Variants in DLG5 observed in about 807,000 individuals in gnomAD.
The protein encoded by DLG5 is discs large MAGUK scaffold protein 5, also known as disks large homolog 5.
DLG5 carries 48 observed loss-of-function variants against 189.8 expected under a neutral mutation model. That is an observed-to-expected ratio of 0.25 (90% confidence interval 0.20 to 0.32). DLG5 has a LOEUF of 0.32. Ranked by LOEUF, DLG5 falls within the 10% of genes least tolerant of loss-of-function variation. The pLI, the probability that DLG5 is intolerant of heterozygous loss-of-function variation, is 1.00. For missense variants in DLG5, 2,160 were observed against 2,544.7 expected (o/e 0.85, Z 3.25); for synonymous variants, 1,016 against 1,054.1 (o/e 0.96, Z 0.70).
rs564806996 is a variant in DLG5 at position 77,816,707 on chromosome 10, G to C, written c.3875-6C>G. 50 of 1,599,730 alleles carry C rather than the reference G, an allele frequency of 3.1e-5. No homozygotes were observed. Among genetic ancestry groups the C allele is most frequent in the Non-Finnish European group, 3.8e-5 (45 of 1,172,538 alleles). ...TTCAGAATGTGACACTGAACCTGCA[G>C]AGAGGAGCGGGTAATGCCGGTGTGA... On this transcript the variant is annotated splice_region_variant and splice_polypyrimidine_tract_variant and intron_variant, in intron 19 of 31. Transcript: ENST00000372391.
intron 20 of DLG5, 69 bp downstream of exon 20, chr10:77,816,482 C>T: frequency 6.2e-7 from 1 of 1,607,360 alleles, no homozygotes; most frequent in Non-Finnish European, 8.5e-7. Context: ...CCTGCAGAGC[C>T]CAGGCCCGCT....
chr10:77,911,835 G>A (rs1013420765), intron 1 of DLG5, among the ~76,000 whole-genome samples: 6 of 151,724 alleles, frequency 4.0e-5, no homozygotes, highest in Non-Finnish European at 7.4e-5. Context: ...GCTTGTTTAC[G>A]CATAAAAACG....
intron 1 of DLG5, among the ~76,000 whole-genome samples, chr10:77,921,713 C>A (rs1846539287): frequency 6.6e-6 from 1 of 152,226 alleles, no homozygotes. Context: ...ACACCAAGTC[C>A]CAGCACATTC....
Position 77,916,904 on chromosome 10 carries a change from A to AATATATATATATATATATATATAT in DLG5, c.304+9312_304+9313insATATATATATATATATATATATAT, listed in dbSNP as rs55841913. Among the ~76,000 whole-genome samples the AATATATATATATATATATATATAT allele has an allele frequency of 3.5e-3, 457 of 128,842 alleles. 7 individuals are homozygous for AATATATATATATATATATATATAT. Among genetic ancestry groups the AATATATATATATATATATATATAT allele is most frequent in the African/African-American group, 0.012 (392 of 32,046 alleles). The allele number at this position is 128,842 out of a possible 152,430, so 84.5% of individuals were successfully genotyped here. ...AGGTAAAGAAACAAATAAAATATAG[A>AATATATATATATATATATATATAT]ATATATATATATATATATATATGAA... On this transcript the variant is annotated intron_variant, in intron 1 of 31. Transcript: ENST00000372391.
chr10:77,848,370 A>G (rs903101822), intron 5 of DLG5, among the ~76,000 whole-genome samples: 6 of 152,230 alleles, frequency 3.9e-5, no homozygotes, highest in Non-Finnish European at 8.8e-5. Context: ...AAGAGAAAGT[A>G]TATTTTAAAG....
At chr10:77,797,211 C>A (rs1366443155) in intron 27 of DLG5, among the ~76,000 whole-genome samples, 2 of 152,206 alleles carry the variant, frequency 1.3e-5, no homozygotes, top group African/African-American at 2.4e-5. Context: ...TATGCTTAAG[C>A]CACTGTTATT....
At chr10:77,871,139 T>C (rs1157010782) in intron 1 of DLG5, among the ~76,000 whole-genome samples, 1 of 152,188 alleles carries the variant, frequency 6.6e-6, no homozygotes, top group Non-Finnish European at 1.5e-5. Context: ...GGTAGGTGTC[T>C]TGTCTCTCAA....
At chr10:77,916,181 C>T (rs991602380) in intron 1 of DLG5, among the ~76,000 whole-genome samples, 4 of 152,134 alleles carry the variant, frequency 2.6e-5, no homozygotes, top group Non-Finnish European at 4.4e-5. Context: ...GATCATGCCA[C>T]TGCACTCAGC....
rs539566389 is a variant in DLG5 at position 77,819,736 on chromosome 10, G to A, written c.3526+159C>T. 41 of 1,291,212 alleles carry A rather than the reference G, an allele frequency of 3.2e-5. No homozygotes were observed. In the African/African-American group the frequency reaches 6.1e-4, roughly 19 times the overall value. The allele number at this position is 1,291,212 out of a possible 1,614,324, so 80.0% of individuals were successfully genotyped here. ...AAGCTAAGACATGTCATGGCTATAAGACAAACCATCCCAGACAGGACAGCA... is the reference window on the plus strand; with the variant it reads ...AAGCTAAGACATGTCATGGCTATAAAACAAACCATCCCAGACAGGACAGCA... On this transcript the variant is annotated intron_variant, in intron 16 of 31. Transcript: ENST00000372391.
Position 77,796,687 on chromosome 10 carries a change from C to G in DLG5, c.5165-93G>C. 6.6e-7 allele frequency: 1 copy of G among 1,506,698 alleles called. No homozygotes were observed. The highest frequency in any genetic ancestry group is 1.9e-5 in the Admixed American group (1 of 53,064). 93.3% of individuals were successfully genotyped at this position (1,506,698 alleles called of 1,614,324 possible). On this transcript the variant is annotated intron_variant, in intron 27 of 31. Coordinates refer to ENST00000372391, the MANE Select transcript of DLG5 (RefSeq NM_004747.4). This position sits in a 1 kb window ranked among gnomAD's most constrained non-coding sequence, Gnocchi z 5.2. ...ACCCCGCTCCCTGACCTCGCCCACT[C>G]TGGTTTGCCTGGGACTCCCCCAGCT...
At chr10:77,894,789 C>T (rs1230648880) in intron 1 of DLG5, among the ~76,000 whole-genome samples, 1 of 152,112 alleles carries the variant, frequency 6.6e-6, no homozygotes, top group Non-Finnish European at 1.5e-5. Context: ...CCAAGAAGCC[C>T]TCGCTGCTAG....
chr10:77,820,190 A>G, intron 15 of DLG5, 172 bp from the exon 16 acceptor site: 2 of 846,706 alleles, frequency 2.4e-6, no homozygotes. Flanking sequence ...TACCAAAAAT[A>G]CAAAAATTAG....
upstream of DLG5, among the ~76,000 whole-genome samples, chr10:77,930,243 C>G (rs1357880839): frequency 6.6e-6 from 1 of 152,144 alleles, no homozygotes; most frequent in African/African-American, 2.4e-5. Context: ...ACAATCATTG[C>G]TTGACATTGG....
At position 77,898,262 on chromosome 10, in the gene DLG5, T is replaced by TAC. The variant is rs531253584; in HGVS notation, c.304+27953_304+27954dup. ...ATTCTGTTTCCACATCTCCACCCTC[T>TAC]ACCACACGTGGACTCTGCAGTTCCC... On this transcript the variant is annotated intron_variant, in intron 1 of 31. Transcript: ENST00000372391. Among the ~76,000 whole-genome samples the TAC allele has an allele frequency of 1.3e-4, 20 of 152,322 alleles. No homozygotes were observed. The South Asian group carries it at 3.9e-3, about 30-fold the overall frequency.
chr10:77,806,737 C>A, intron 26 of DLG5, 21 bp downstream of exon 26: 2 of 1,592,024 alleles, frequency 1.3e-6, no homozygotes, highest in South Asian at 1.1e-5. Flanking sequence ...CCACCCCACC[C>A]CAGGCCCGGA....
At chr10:77,827,554 T>C (rs1365456252) in intron 13 of DLG5, among the ~76,000 whole-genome samples, 1 of 152,174 alleles carries the variant, frequency 6.6e-6, no homozygotes, top group East Asian at 1.9e-4. Flanking sequence ...AGGTCAGAAG[T>C]ATTAAATTTG....
Position 77,830,814 on chromosome 10 carries a change from C to T in DLG5, c.1808G>A (p.Ser603Asn). 1 of 1,614,216 alleles carries T rather than the reference C, an allele frequency of 6.2e-7. No individual in the cohort carries two copies. The highest frequency in any genetic ancestry group is 8.5e-7 in the Non-Finnish European group (1 of 1,180,032). The change falls in exon 10 of 32, where the codon AGC (serine) becomes AAC (asparagine). Residue 603 changes from serine (S) to asparagine (N), a missense_variant. Around this residue, in one of 5 missense-constraint regions of DLG5, gnomAD observed 664 missense variants for 838.5 expected, o/e 0.79. Coordinates refer to ENST00000372391, the MANE Select transcript of DLG5 (RefSeq NM_004747.4). ...EARFRQLMAH[S>N]SHDSAIDTDS... ...CGTGTCAATGGCCGAGTCGTGGGAG[C>T]TGTGGGCCATCAGCTGTCGGAACCG...
In DLG5 at chr10:77,924,976, C is replaced by T. The variant is rs909171132; in HGVS notation, c.304+1241G>A. 2.6e-5 allele frequency among the ~76,000 whole-genome samples: 4 copies of T among 152,256 alleles called. No homozygotes were observed. The East Asian group carries it at 5.8e-4, about 22-fold the overall frequency. ...CAGCCAAATAAATGGGTCCCATCAG[C>T]CTTTGACCTTCAGGTTGCTAAGGGC... On this transcript the variant is annotated intron_variant, in intron 1 of 31. Transcript: ENST00000372391.
At position 77,792,503 on chromosome 10, in the gene DLG5, C is replaced by G; in HGVS notation, c.5697G>C (p.Gln1899His). The change falls in exon 32 of 32, where the codon CAG (glutamine) becomes CAC (histidine). Residue 1899 changes from glutamine to histidine, a missense_variant. Transcript: ENST00000372391. ...GTTCTTGATTGACCATTGCCAAGAT[C>G]TGAGTGCAAATGCTTGACAGGGCTC... is the stretch of plus-strand genomic sequence containing the variant. ...QGGALSSICT[Q>H]ILAMVNQEQN... 6.2e-7 allele frequency: 1 copy of G among 1,614,204 alleles called. No individual in the cohort carries two copies. Among genetic ancestry groups the G allele is most frequent in the Non-Finnish European group, 8.5e-7 (1 of 1,180,034 alleles).
Sources: gnomAD v4.1 joint callset for allele counts (sites outside exome capture counted in the v4.1 genomes callset) on GRCh38, gnomAD v4.1.1 for gene constraint, gnomAD v4.1.1 regional missense constraint, Gnocchi (gnomAD v3.1) non-coding constraint, MANE v1.5 for transcripts, NCBI Gene and HGNC (gene_info 2026-07-23, HGNC 2026-07-21) for gene names.